The following ADARB1 variants were observed in gnomAD, a reference collection of about 807,000 sequenced individuals.
ADARB1 encodes double-stranded RNA-specific editase 1.
ADARB1 carries 10 observed loss-of-function variants against 52.4 expected under a neutral mutation model. The ratio of observed to expected loss-of-function variants is 0.19; its 90% CI spans 0.12 to 0.32. The LOEUF is 0.32. Ranked by LOEUF, ADARB1 falls within the 10% of genes least tolerant of loss-of-function variation. The probability of loss-of-function intolerance (pLI) is 1.00; values close to 1 mark genes in which losing one functional copy is unlikely to be tolerated. For synonymous variants in ADARB1, 349 were observed against 371.1 expected, an observed-to-expected ratio of 0.94 and a Z score of 0.68; for missense variants, 643 against 922.3, an observed-to-expected ratio of 0.70 and a Z score of 3.92.
intron 1 of ADARB1, among the ~76,000 whole-genome samples, chr21:45,121,635 C>T (rs1036087298): frequency 2.0e-5 from 3 of 152,180 alleles, no homozygotes; most frequent in Non-Finnish European, 2.9e-5. Flanking sequence ...GTTATTGCTT[C>T]GGTTCTACTG....
chr21:45,102,270 G>A (rs2087053379), intron 1 of ADARB1, among the ~76,000 whole-genome samples: 1 of 152,116 alleles, frequency 6.6e-6, no homozygotes, highest in South Asian at 2.1e-4. Context: ...ATCAGCACAA[G>A]GGTTTAAAAT....
intron 9 of ADARB1, among the ~76,000 whole-genome samples, chr21:45,214,062 C>T (rs1048683931): frequency 2.0e-5 from 3 of 152,130 alleles, no homozygotes; most frequent in Non-Finnish European, 4.4e-5. Flanking sequence ...GCAGTACGAG[C>T]GGTTGCTTTA....
chr21:45,205,335 T>C (rs1232187068), intron 9 of ADARB1, among the ~76,000 whole-genome samples: 1 of 152,246 alleles, frequency 6.6e-6, no homozygotes, highest in African/African-American at 2.4e-5. Context: ...GGCACCTGTC[T>C]GTTTTCCTCT....
chr21:45,166,367 G>A (rs996306791), intron 2 of ADARB1, among the ~76,000 whole-genome samples: 1 of 152,172 alleles, frequency 6.6e-6, no homozygotes, highest in Non-Finnish European at 1.5e-5. Flanking sequence ...CACGGTGAGG[G>A]AACGGCCTTG....
chr21:45,111,840 A>T (rs2087552841), intron 1 of ADARB1, among the ~76,000 whole-genome samples: 1 of 152,162 alleles, frequency 6.6e-6, no homozygotes, highest in South Asian at 2.1e-4. Flanking sequence ...ATACTGATAC[A>T]TGTGTTTTGG....
intron 1 of ADARB1, among the ~76,000 whole-genome samples, chr21:45,089,860 A>G (rs1244813099): frequency 2.0e-5 from 3 of 152,170 alleles, no homozygotes; most frequent in Non-Finnish European, 4.4e-5. Context: ...TGTTTTCTAG[A>G]TGGAGGATCC....
chr21:45,149,540 A>T (rs1379314916), intron 2 of ADARB1, among the ~76,000 whole-genome samples: 1 of 152,230 alleles, frequency 6.6e-6, no homozygotes, highest in East Asian at 1.9e-4. Flanking sequence ...AAATGGAAAA[A>T]ATATGTGGGG....
At chr21:45,175,314 AT>A (rs1305529893) in intron 3 of ADARB1, among the ~76,000 whole-genome samples, 1 of 152,194 alleles carries the variant, frequency 6.6e-6, no homozygotes, top group African/African-American at 2.4e-5. Context: ...TAAAATAAAT[AT>A]ATATTTATCC....
At chr21:45,081,415 C>T (rs750519811) in intron 1 of ADARB1, among the ~76,000 whole-genome samples, 10 of 152,048 alleles carry the variant, frequency 6.6e-5, no homozygotes, top group African/African-American at 1.5e-4. Context: ...AAATTGCATG[C>T]GATATTAAGT....
chr21:45,187,894 G>T (rs1473245900), intron 8 of ADARB1, among the ~76,000 whole-genome samples: 1 of 152,024 alleles, frequency 6.6e-6, no homozygotes. Flanking sequence ...TATTGAATTT[G>T]GTTTGTTGAG....
At chr21:45,134,032 TGC>T (rs2089163765) in intron 2 of ADARB1, among the ~76,000 whole-genome samples, 1 of 123,390 alleles carries the variant, frequency 8.1e-6, no homozygotes. Context: ...CAGTGGTGTG[TGC>T]GCCCGATGGG....
At chr21:45,201,294 C>T (rs895952587) in intron 8 of ADARB1, among the ~76,000 whole-genome samples, 6 of 152,214 alleles carry the variant, frequency 3.9e-5, no homozygotes, top group Non-Finnish European at 5.9e-5. Context: ...TTAGTGGAAG[C>T]TGGTGCCACA....
intron 2 of ADARB1, among the ~76,000 whole-genome samples, chr21:45,151,317 T>C (rs1021339047): frequency 1.3e-5 from 2 of 152,164 alleles, no homozygotes; most frequent in East Asian, 1.9e-4. Context: ...AATTTAAGAG[T>C]AATAAGAATT....
intron 8 of ADARB1, among the ~76,000 whole-genome samples, chr21:45,188,137 C>T (rs777656544): frequency 2.1e-4 from 32 of 151,844 alleles, no homozygotes; most frequent in Admixed American, 7.9e-4. Context: ...GATGGAGTCT[C>T]GCTCTGTCAC....
Position 45,208,605 on chromosome 21 carries a change from AGTGT to A in ADARB1, c.1747+3878_1747+3881del, listed in dbSNP as rs141621782. Among the ~76,000 whole-genome samples, 1 of 151,520 alleles carries A rather than the reference AGTGT, an allele frequency of 6.6e-6. No homozygotes were observed. The highest frequency in any genetic ancestry group is 2.4e-5 in the African/African-American group (1 of 41,216). On this transcript the variant is annotated intron_variant, in intron 9 of 10. Coordinates refer to ENST00000348831, the MANE Select transcript of ADARB1 (RefSeq NM_001112.4). This position sits in a 1 kb window ranked among gnomAD's most constrained non-coding sequence, Gnocchi z 5.6. ...GGAACATCACTGTGAGAGTGTGGAA[AGTGT>A]GTGTGTGTATGTGTGCGTGTGTGTG...
chr21:45,111,022 C>T (rs750468603), intron 1 of ADARB1, among the ~76,000 whole-genome samples: 3 of 152,176 alleles, frequency 2.0e-5, no homozygotes, highest in Non-Finnish European at 4.4e-5. Context: ...ACTTGGAAGA[C>T]AATCAGGGTC....
At chr21:45,154,443 A>G (rs549981963) in intron 2 of ADARB1, among the ~76,000 whole-genome samples, 10 of 152,364 alleles carry the variant, frequency 6.6e-5, no homozygotes, top group African/African-American at 2.4e-4. Flanking sequence ...GTTTTATAAG[A>G]TGTAAAATAG....
chr21:45,141,925 T>C (rs887056894), intron 2 of ADARB1, among the ~76,000 whole-genome samples: 2 of 151,998 alleles, frequency 1.3e-5, no homozygotes, highest in Admixed American at 6.6e-5. Context: ...GTGAGTCACC[T>C]TAGCTACCCC....
At chr21:45,077,365 T>C (rs2085979625) in intron 1 of ADARB1, among the ~76,000 whole-genome samples, 1 of 152,190 alleles carries the variant, frequency 6.6e-6, no homozygotes, top group Non-Finnish European at 1.5e-5. Context: ...GGTCCAATTT[T>C]ATTAGAAAAC....
Sources: allele counts gnomAD v4.1 joint callset (sites outside exome capture counted in the v4.1 genomes callset), GRCh38; gene constraint gnomAD v4.1.1; non-coding constraint Gnocchi (gnomAD v3.1); transcripts MANE v1.5; gene names NCBI Gene and HGNC (gene_info 2026-07-23, HGNC 2026-07-21).